Variants in KIF16B observed in about 807,000 individuals in gnomAD.
KIF16B encodes kinesin family member 16B.
Under a neutral mutation model 156.3 loss-of-function variants are expected in KIF16B, and 98 were observed. The observed-to-expected ratio is 0.63, with a 90% confidence interval of 0.53 to 0.74. KIF16B has a LOEUF of 0.74. Among genes scored for constraint, KIF16B ranks in the 30% least tolerant of loss-of-function variants. The pLI is 0.00. For missense variants in KIF16B, 1,421 were observed against 1,606.5 expected, an observed-to-expected ratio of 0.88 and a Z score of 1.97; for synonymous variants, 564 against 583.7, an observed-to-expected ratio of 0.97 and a Z score of 0.49.
At chr20:16,364,410 G>A (rs542014196) in intron 22 of KIF16B, among the ~76,000 whole-genome samples, 26 of 152,124 alleles carry the variant, frequency 1.7e-4, no homozygotes, top group Non-Finnish European at 1.5e-4. Flanking sequence ...AGATGTATGC[G>A]TCTATTTTTT....
rs777569977 is a variant in KIF16B, at chr20:16,374,345, G to C, written c.3262C>G (p.His1088Asp). ...IYEVDGVQKD[H>D]HGTLEGKVAS... ...ACCTTCCCTTCCAGGGTCCCATGAT[G>C]ATCTTTTTGAACACCATCGACCTCA... The change falls in exon 20 of 26, where the codon CAT becomes GAT. Residue 1088 changes from histidine to aspartate, a missense_variant. Physicochemically the swap from His to Asp is moderately conservative, Grantham distance 81. Coordinates refer to ENST00000354981, the MANE Select transcript of KIF16B (RefSeq NM_024704.5). 1 of 1,606,580 alleles carries C rather than the reference G, an allele frequency of 6.2e-7. No homozygotes were observed. The highest frequency in any genetic ancestry group is 1.1e-5 in the South Asian group (1 of 89,410).
At chr20:16,331,669 C>A (rs765626034) in intron 24 of KIF16B, among the ~76,000 whole-genome samples, 17 of 152,212 alleles carry the variant, frequency 1.1e-4, no homozygotes, top group African/African-American at 3.6e-4. Context: ...GGTGAAGGAG[C>A]GAAGTAAATA....
intron 12 of KIF16B, among the ~76,000 whole-genome samples, chr20:16,482,332 G>T (rs1042540701): frequency 6.6e-6 from 1 of 151,966 alleles, no homozygotes; most frequent in Non-Finnish European, 1.5e-5. Context: ...AGGATGCTAA[G>T]GAAAAAGTAA....
At chr20:16,571,841 G>A (rs1477529288) in intron 1 of KIF16B, among the ~76,000 whole-genome samples, 1 of 152,118 alleles carries the variant, frequency 6.6e-6, no homozygotes, top group East Asian at 1.9e-4. Flanking sequence ...GTGTTAGCCA[G>A]GATGGTCTCC....
At chr20:16,437,976 T>TAAAAAAAAAAAAAAA in intron 12 of KIF16B, among the ~76,000 whole-genome samples, 1 of 107,812 alleles carries the variant, frequency 9.3e-6, no homozygotes, top group African/African-American at 3.6e-5. Flanking sequence ...CTACTAAAAA[T>TAAAAAAAAAAAAAAA]AAAAAAAAAT....
Position 16,427,129 on chromosome 20 carries a change from G to A in KIF16B, c.1587C>T (p.Ile529=), listed in dbSNP as rs16997605. The A allele has an allele frequency of 2.9e-3, 4,721 of 1,608,794 alleles. 127 individuals are homozygous for A. The African/African-American group carries it at 0.055, about 19-fold the overall frequency. ...GSQCSVNGVQ[I]VEATHLNQGA... ...CTTGATTTAGATGTGTGGCCTCCAC[G>A]ATCTGAACACCATTCACAGAGCACT... The change falls in exon 15 of 26, where the codon ATC becomes ATT. Residue 529 remains isoleucine (I), a synonymous_variant. Transcript: ENST00000354981.
At chr20:16,520,340 G>T (rs545067794) in intron 3 of KIF16B, among the ~76,000 whole-genome samples, 2 of 152,064 alleles carry the variant, frequency 1.3e-5, no homozygotes, top group Non-Finnish European at 2.9e-5. Flanking sequence ...GAGCTTAGTG[G>T]GGGGAGGGGC....
intron 25 of KIF16B, among the ~76,000 whole-genome samples, chr20:16,278,167 G>C (rs763772504): frequency 3.3e-5 from 5 of 152,158 alleles, no homozygotes; most frequent in African/African-American, 4.8e-5. Context: ...ATGGGAAAGA[G>C]AAGAGGCCGA....
At chr20:16,397,677 A>G (rs2065543164) in intron 17 of KIF16B, among the ~76,000 whole-genome samples, 1 of 152,238 alleles carries the variant, frequency 6.6e-6, no homozygotes, top group Admixed American at 6.5e-5. Context: ...GCAATTTTTC[A>G]GTCAATTGCA....
intron 22 of KIF16B, among the ~76,000 whole-genome samples, chr20:16,361,454 G>A (rs1047251895): frequency 1.3e-5 from 2 of 152,178 alleles, no homozygotes; most frequent in African/African-American, 4.8e-5. Context: ...TTGCTATGAG[G>A]GGATCTTGTC....
intron 1 of KIF16B, among the ~76,000 whole-genome samples, chr20:16,543,111 G>C (rs562385110): frequency 2.2e-4 from 34 of 152,172 alleles, no homozygotes; most frequent in Non-Finnish European, 3.4e-4. Flanking sequence ...AACCACCTAG[G>C]AGGTTCTGAT....
At chr20:16,420,339 AATTTAGATAAATCTCCGATT>A (rs1454361214) in intron 15 of KIF16B, among the ~76,000 whole-genome samples, 22 of 152,302 alleles carry the variant, frequency 1.4e-4, no homozygotes, top group African/African-American at 5.1e-4. Flanking sequence ...CAATCTGCTA[AATTTAGATAAATCTCCGATT>A]AGTTGGCATT....
chr20:16,361,219 T>C (rs1387376349), intron 22 of KIF16B, among the ~76,000 whole-genome samples: 1 of 152,194 alleles, frequency 6.6e-6, no homozygotes, highest in East Asian at 1.9e-4. Context: ...TTAGAGCTAT[T>C]ATGTCTCAAG....
At chr20:16,568,852 A>AAAT (rs778489976) in intron 1 of KIF16B, among the ~76,000 whole-genome samples, 1 of 118,044 alleles carries the variant, frequency 8.5e-6, no homozygotes, top group Non-Finnish European at 1.7e-5. Context: ...AAAAAAAAAA[A>AAAT]GGCATAGCTG....
chr20:16,356,087 C>T (rs980216070), intron 23 of KIF16B, among the ~76,000 whole-genome samples: 3 of 152,098 alleles, frequency 2.0e-5, no homozygotes, highest in Non-Finnish European at 4.4e-5. Flanking sequence ...TCACCCTACC[C>T]GTAGGGTGTG....
intron 25 of KIF16B, among the ~76,000 whole-genome samples, chr20:16,288,315 T>C (rs2122441362): frequency 1.3e-5 from 2 of 152,368 alleles, no homozygotes; most frequent in Middle Eastern, 3.4e-3. Flanking sequence ...ATTAGAAGAT[T>C]AAAGGAGCTA....
At position 16,437,993 on chromosome 20, in the gene KIF16B, A is replaced by AAT. The variant is rs112030707; in HGVS notation, c.1303-8012_1303-8011insAT. On this transcript the variant is annotated intron_variant, in intron 12 of 25. Coordinates refer to ENST00000354981, the MANE Select transcript of KIF16B (RefSeq NM_024704.5). ...ACTAAAAATAAAAAAAAATAATAAA[A>AAT]AAAAAAAAACAGGTGTGGTGGCGTG... Among the ~76,000 whole-genome samples, 702 of 150,960 alleles carry AAT rather than the reference A, an allele frequency of 4.7e-3. 4 individuals are homozygous for AAT. The highest frequency in any genetic ancestry group is 0.024 in the Middle Eastern group (7 of 286).
intron 22 of KIF16B, chr20:16,367,968 T>C (rs2064718515): frequency 1.4e-6 from 2 of 1,439,938 alleles, no homozygotes; most frequent in South Asian, 1.5e-5. Context: ...AAATGCTCAT[T>C]GAGCCGAGAT....
intron 12 of KIF16B, among the ~76,000 whole-genome samples, chr20:16,471,348 G>A (rs2067657389): frequency 6.6e-6 from 1 of 152,180 alleles, no homozygotes; most frequent in Admixed American, 6.5e-5. Flanking sequence ...AGGACCAATA[G>A]CTTTCTCTCT....
Sources: gnomAD v4.1 joint callset for allele counts (sites outside exome capture counted in the v4.1 genomes callset) on GRCh38, gnomAD v4.1.1 for gene constraint, MANE v1.5 for transcripts, NCBI Gene and HGNC (gene_info 2026-07-23, HGNC 2026-07-21) for gene names.